Variants in ROBO1 observed in about 807,000 individuals in gnomAD.
The protein encoded by ROBO1 is roundabout guidance receptor 1.
In ROBO1, 149 loss-of-function variants were observed where a neutral mutation model predicts 195.9. That is an observed-to-expected ratio of 0.76 (90% CI 0.67 to 0.87). The LOEUF (loss-of-function observed/expected upper bound fraction) is 0.87, where lower values mean the gene tolerates loss of function less well. Among genes scored for constraint, ROBO1 ranks in the 40% least tolerant of loss-of-function variants. ROBO1 has a pLI of 0.00. For missense variants in ROBO1, 1,933 were observed against 2,068.3 expected, an observed-to-expected ratio of 0.93 and a Z score of 1.27; for synonymous variants, 816 against 733.2, an observed-to-expected ratio of 1.11 and a Z score of -1.82.
chr3:79,520,491 C>T (rs1376106724), intron 2 of ROBO1, among the ~76,000 whole-genome samples: 1 of 152,082 alleles, frequency 6.6e-6, no homozygotes, highest in East Asian at 1.9e-4. Context: ...AATATGATAT[C>T]CAGATTTGTT....
intron 2 of ROBO1, among the ~76,000 whole-genome samples, chr3:79,221,997 A>G (rs1443184661): frequency 6.6e-6 from 1 of 152,018 alleles, no homozygotes; most frequent in East Asian, 1.9e-4. Context: ...AAAGCTGACA[A>G]AATCTGGGGG....
At chr3:79,286,484 T>C (rs966104897) in intron 2 of ROBO1, among the ~76,000 whole-genome samples, 12 of 152,118 alleles carry the variant, frequency 7.9e-5, no homozygotes, top group African/African-American at 2.7e-4. Context: ...AAATGCCACA[T>C]AGAAGCAAAT....
In ROBO1 at chr3:79,516,765, TACAA is replaced by T. The variant is rs1166560404; in HGVS notation, c.88+73055_88+73058del. Among the ~76,000 whole-genome samples, 15 of 152,316 alleles carry T rather than the reference TACAA, an allele frequency of 9.8e-5. No individual in the cohort carries two copies. The South Asian group carries it at 1.0e-3, about 11-fold the overall frequency. ...GATGGATATGCCAGTTGTGTTTGAG[TACAA>T]ACAAACAATCTTGAATATATATTAA... On this transcript the variant is annotated intron_variant, in intron 2 of 30. Coordinates refer to ENST00000464233, the MANE Select transcript of ROBO1 (RefSeq NM_002941.4).
At chr3:78,651,998 C>T in intron 18 of ROBO1, 69 bp from the exon 19 acceptor site, 2 of 1,172,240 alleles carry the variant, frequency 1.7e-6, no homozygotes, top group African/African-American at 1.6e-5. Flanking sequence ...TCATTTGTGG[C>T]TGCCATTACT....
chr3:79,139,001 A>C (rs952047993), intron 2 of ROBO1, among the ~76,000 whole-genome samples: 1 of 151,852 alleles, frequency 6.6e-6, no homozygotes, highest in Non-Finnish European at 1.5e-5. Context: ...TTCTCAAAAA[A>C]AGTAGAATAA....
chr3:78,911,703 G>A (rs1427089617), intron 4 of ROBO1, among the ~76,000 whole-genome samples: 1 of 151,970 alleles, frequency 6.6e-6, no homozygotes, highest in African/African-American at 2.4e-5. Context: ...TGCAATTGAA[G>A]GACTTGTCAA....
At chr3:79,408,144 C>T (rs1010229301) in intron 2 of ROBO1, among the ~76,000 whole-genome samples, 13 of 151,666 alleles carry the variant, frequency 8.6e-5, no homozygotes, top group Admixed American at 1.3e-4. Flanking sequence ...CTTGAACCCA[C>T]GAGGCCGAGG....
At chr3:79,118,035 G>T (rs1160576536) in intron 3 of ROBO1, among the ~76,000 whole-genome samples, 1 of 152,198 alleles carries the variant, frequency 6.6e-6, no homozygotes, top group Non-Finnish European at 1.5e-5. Flanking sequence ...ATAAAGAAGT[G>T]CAGAGATGAG....
rs1575848704 is a variant in ROBO1 at position 78,653,930 on chromosome 3, A to C, written c.2615-2001T>G. ...AAATTCTCCAAAGCCCCGTCAGGGCAGGACTAGAGTTTATAGCCACTGTGC... is the reference window on the plus strand; with the variant it reads ...AAATTCTCCAAAGCCCCGTCAGGGCCGGACTAGAGTTTATAGCCACTGTGC... On this transcript the variant is annotated intron_variant, in intron 18 of 30. Transcript: ENST00000464233. Among the ~76,000 whole-genome samples the C allele has an allele frequency of 2.6e-5, 4 of 152,266 alleles. No individual in the cohort carries two copies. In the East Asian group the frequency reaches 7.7e-4, roughly 29 times the overall value.
At position 79,172,061 on chromosome 3, in the gene ROBO1, G is replaced by GGA. The variant is rs1391911978; in HGVS notation, c.89-46524_89-46523dup. Among the ~76,000 whole-genome samples the GGA allele has an allele frequency of 3.3e-5, 5 of 151,940 alleles. No homozygotes were observed. The South Asian group carries it at 1.0e-3, about 32-fold the overall frequency. ...AGAGGCATAAAAATCAAGCCAAAAG[G>GGA]GAGACTTCAACAATAACAAGAACAA... On this transcript the variant is annotated intron_variant, in intron 2 of 30. Coordinates refer to ENST00000464233, the MANE Select transcript of ROBO1 (RefSeq NM_002941.4).
intron 2 of ROBO1, among the ~76,000 whole-genome samples, chr3:79,139,663 T>C (rs2108608692): frequency 6.6e-6 from 1 of 152,328 alleles, no homozygotes; most frequent in East Asian, 1.9e-4. Context: ...GGTTGGAATT[T>C]AATCTGCAGA....
At chr3:79,279,065 G>C (rs1433969349) in intron 2 of ROBO1, among the ~76,000 whole-genome samples, 1 of 152,014 alleles carries the variant, frequency 6.6e-6, no homozygotes, top group Non-Finnish European at 1.5e-5. Context: ...CCTGAGGTCA[G>C]GAGTTTGAGA....
At chr3:79,466,179 T>C (rs2107291242) in intron 2 of ROBO1, among the ~76,000 whole-genome samples, 2 of 152,270 alleles carry the variant, frequency 1.3e-5, no homozygotes, top group East Asian at 3.9e-4. Context: ...TTTATCTGCT[T>C]AATATACATA....
At chr3:79,245,630 C>A (rs2082611180) in intron 2 of ROBO1, among the ~76,000 whole-genome samples, 1 of 151,828 alleles carries the variant, frequency 6.6e-6, no homozygotes, top group African/African-American at 2.4e-5. Flanking sequence ...GACCCCCACC[C>A]CACCCCTCAA....
chr3:78,637,975 GTT>G (rs369596087), intron 22 of ROBO1, among the ~76,000 whole-genome samples: 7 of 136,256 alleles, frequency 5.1e-5, no homozygotes, highest in African/African-American at 1.4e-4. Context: ...GCAATATTGG[GTT>G]TTTTTTTGGG....
chr3:78,788,367 C>T (rs1390846376), intron 4 of ROBO1, among the ~76,000 whole-genome samples: 1 of 148,962 alleles, frequency 6.7e-6, no homozygotes, highest in African/African-American at 2.5e-5. Context: ...ATCCACCCGC[C>T]TCGGCCTCCC....
chr3:78,899,203 G>A (rs948877501), intron 4 of ROBO1, among the ~76,000 whole-genome samples: 5 of 152,112 alleles, frequency 3.3e-5, no homozygotes, highest in East Asian at 1.9e-4. Flanking sequence ...TAGAGGCTGA[G>A]GGACAACTTA....
At chr3:79,654,568 T>C (rs1225455552) in intron 1 of ROBO1, among the ~76,000 whole-genome samples, 2 of 152,048 alleles carry the variant, frequency 1.3e-5, no homozygotes, top group Admixed American at 1.3e-4. Flanking sequence ...CCAAAACTTG[T>C]ATTAAAAACA....
chr3:79,345,682 T>A (rs1423392003), intron 2 of ROBO1, among the ~76,000 whole-genome samples: 2 of 152,158 alleles, frequency 1.3e-5, no homozygotes, highest in Non-Finnish European at 2.9e-5. Flanking sequence ...CTAATCATGA[T>A]ATGATGCAGC....
Sources: allele counts gnomAD v4.1 joint callset (sites outside exome capture counted in the v4.1 genomes callset), GRCh38; gene constraint gnomAD v4.1.1; transcripts MANE v1.5; gene names NCBI Gene and HGNC (gene_info 2026-07-23, HGNC 2026-07-21).